The following PTGR1 variants were observed in gnomAD, a reference collection of about 807,000 sequenced individuals.
The protein encoded by PTGR1 is 15-oxoprostaglandin 13-reductase.
Under a neutral mutation model 37.7 loss-of-function variants are expected in PTGR1, and 23 were observed. The ratio of observed to expected loss-of-function variants is 0.61; its 90% CI spans 0.44 to 0.86. The LOEUF (loss-of-function observed/expected upper bound fraction) is 0.86. Among genes scored for constraint, PTGR1 ranks in the 40% least tolerant of loss-of-function variants. The pLI is 0.00. For missense variants in PTGR1, 351 were observed against 394.3 expected, an observed-to-expected ratio of 0.89 and a Z score of 0.93; for synonymous variants, 134 against 140.0, an observed-to-expected ratio of 0.96 and a Z score of 0.30.
At chr9:111,594,983 T>C (rs577189193) in intron 2 of PTGR1, among the ~76,000 whole-genome samples, 5 of 151,056 alleles carry the variant, frequency 3.3e-5, no homozygotes, top group Non-Finnish European at 5.9e-5. Context: ...GCCTCCTGAG[T>C]AGCTGGGATT....
At chr9:111,559,438 G>A (rs956944660), downstream of PTGR1, among the ~76,000 whole-genome samples, 3 of 151,864 alleles carry the variant, frequency 2.0e-5, no homozygotes, top group Admixed American at 6.6e-5. Flanking sequence ...CTACCCACAC[G>A]GATGACTTCA....
chr9:111,590,085 C>T (rs1278533407), intron 4 of PTGR1, among the ~76,000 whole-genome samples: 1 of 152,050 alleles, frequency 6.6e-6, no homozygotes, highest in Non-Finnish European at 1.5e-5. Flanking sequence ...AAGGCCCAAA[C>T]ATTTGCAACA....
rs1410377456 is a variant in PTGR1, at chr9:111,597,365, T to TA, written c.57dup (p.Ser20Ter). 2.5e-6 allele frequency: 4 copies of TA among 1,613,690 alleles called. No homozygotes were observed. The South Asian group carries it at 4.4e-5, about 18-fold the overall frequency. On this transcript the variant is annotated frameshift_variant, in exon 2 of 10. Transcript: ENST00000407693. LOFTEE classifies it high-confidence loss of function. ...TCAGCTGTCTTCAACTCAAAGTCAC[T>TA]ATTAGTAGGATAGCCAACAAAGTGC... is the stretch of plus-strand genomic sequence containing the variant.
intron 7 of PTGR1, chr9:111,575,362 A>G (rs1829014213): frequency 6.6e-6 from 1 of 152,392 alleles, no homozygotes; most frequent in Non-Finnish European, 1.5e-5. Context: ...CATACCTTTT[A>G]TAACTTATAC....
intron 6 of PTGR1, among the ~76,000 whole-genome samples, chr9:111,579,982 A>G (rs554290261): frequency 5.3e-5 from 8 of 152,344 alleles, no homozygotes; most frequent in Admixed American, 1.3e-4. Flanking sequence ...TTGGATTTAC[A>G]TGAATCTCTG....
At chr9:111,569,814 G>C in intron 9 of PTGR1, 1 of 420,140 alleles carries the variant, frequency 2.4e-6, no homozygotes, top group South Asian at 2.3e-5. Context: ...ATGGCAGACA[G>C]TGAGTGTAGA....
intron 2 of PTGR1, among the ~76,000 whole-genome samples, chr9:111,595,790 C>A (rs570626176): frequency 1.3e-5 from 2 of 152,242 alleles, no homozygotes; most frequent in Admixed American, 1.3e-4. Flanking sequence ...CTCACCACCA[C>A]ACCCAGCTAA....
chr9:111,571,695 G>T (rs1828829852), intron 8 of PTGR1, among the ~76,000 whole-genome samples: 1 of 152,048 alleles, frequency 6.6e-6, no homozygotes, highest in African/African-American at 2.4e-5. Flanking sequence ...TTCTGTCAGA[G>T]ATGAGGTCTT....
chr9:111,589,686 G>A (rs1336533655), intron 4 of PTGR1, among the ~76,000 whole-genome samples: 2 of 151,580 alleles, frequency 1.3e-5, no homozygotes, highest in East Asian at 1.9e-4. Context: ...ATCCAAAGCT[G>A]GAGTGCAATG....
intron 4 of PTGR1, chr9:111,589,512 C>A: frequency 3.8e-6 from 1 of 261,360 alleles, no homozygotes; most frequent in Non-Finnish European, 5.9e-6. Flanking sequence ...CCACCTTGGC[C>A]TCCCAAAGTG....
chr9:111,570,241 G>A, intron 8 of PTGR1, 32 bp from the exon 9 acceptor site: 3 of 1,597,396 alleles, frequency 1.9e-6, no homozygotes, highest in Non-Finnish European at 2.6e-6. Context: ...TGGGTGGCAG[G>A]ATCCAGGGAG....
chr9:111,559,340 T>C (rs1828209599), downstream of PTGR1, among the ~76,000 whole-genome samples: 1 of 151,958 alleles, frequency 6.6e-6, no homozygotes. Context: ...GGACTTTGAC[T>C]CCTCACACCA....
At chr9:111,561,148 G>GAAGA (rs1267075709), downstream of PTGR1, among the ~76,000 whole-genome samples, 1 of 34,840 alleles carries the variant, frequency 2.9e-5, no homozygotes, top group Non-Finnish European at 4.9e-5. Flanking sequence ...GGAGAGAGAG[G>GAAGA]GAGAGAGAGA....
chr9:111,587,450 T>C (rs560227671), intron 4 of PTGR1, among the ~76,000 whole-genome samples: 2 of 152,284 alleles, frequency 1.3e-5, no homozygotes, highest in African/African-American at 4.8e-5. Context: ...ACTATATGTA[T>C]GTATTTATTT....
Position 111,562,922 on chromosome 9 carries a change from T to G in PTGR1, c.*199A>C. 1 of 1,369,710 alleles carries G rather than the reference T, an allele frequency of 7.3e-7. No individual in the cohort carries two copies. The highest frequency in any genetic ancestry group is 9.4e-7 in the Non-Finnish European group (1 of 1,058,820). 84.8% of individuals were successfully genotyped at this position (1,369,710 alleles called of 1,614,324 possible). A position where few individuals can be genotyped will look rare whatever the true frequency, so the allele number is the denominator to read the frequency against. On this transcript the variant is annotated 3_prime_UTR_variant, in exon 10 of 10. Coordinates refer to ENST00000407693, the MANE Select transcript of PTGR1 (RefSeq NM_001146108.2). The stretch of plus-strand genomic sequence containing the variant: ...GAAGAAGCTGTAGTGAACAGTGAGG[T>G]GACTGGTTGTTGTTGACTTTGAAAC...
intron 7 of PTGR1, among the ~76,000 whole-genome samples, chr9:111,578,002 G>T (rs753289853): frequency 2.0e-5 from 3 of 151,894 alleles, no homozygotes; most frequent in Non-Finnish European, 4.4e-5. Context: ...GCGTTTTTTG[G>T]GGGGGGTGAT....
chr9:111,577,736 T>C (rs1217797635), intron 7 of PTGR1: 1 of 152,020 alleles, frequency 6.6e-6, no homozygotes, highest in East Asian at 1.9e-4. Flanking sequence ...TCCCAGCTAC[T>C]TGGGAGGCTG....
chr9:111,551,011 G>A (rs965576944), intron 9 of PTGR1, among the ~76,000 whole-genome samples: 6 of 152,134 alleles, frequency 3.9e-5, no homozygotes, highest in Admixed American at 2.0e-4. Flanking sequence ...AAAGCTGATT[G>A]GAAGGTGTTT....
chr9:111,595,468 A>C (rs181492152), intron 2 of PTGR1, among the ~76,000 whole-genome samples: 77 of 152,314 alleles, frequency 5.1e-4, no homozygotes, highest in Non-Finnish European at 6.9e-4. Flanking sequence ...GTGAGAGAAC[A>C]TGCATTTTGC....
Sources: gnomAD v4.1 joint callset for allele counts (sites outside exome capture counted in the v4.1 genomes callset) on GRCh38, gnomAD v4.1.1 for gene constraint, MANE v1.5 for transcripts, NCBI Gene and HGNC (gene_info 2026-07-23, HGNC 2026-07-21) for gene names.